The following NALCN variants were observed in gnomAD, a reference collection of about 807,000 sequenced individuals.
The protein encoded by NALCN is sodium leak channel NALCN.
In NALCN, 111 loss-of-function variants were observed where a neutral mutation model predicts 225.3. The ratio of observed to expected loss-of-function variants is 0.49; its 90% CI spans 0.42 to 0.58. The LOEUF (loss-of-function observed/expected upper bound fraction) is 0.58. Among genes scored for constraint, NALCN ranks in the 20% least tolerant of loss-of-function variants. The pLI is 0.00. For missense variants in NALCN, 1,378 were observed against 2,202.4 expected (o/e 0.63, Z 7.49); for synonymous variants, 764 against 769.0 (o/e 0.99, Z 0.11).
In NALCN at chr13:101,152,749, T is replaced by G. The variant is rs2037713673; in HGVS notation, c.1840-7853A>C. ...GATTTTGTAGGTTTATTCTTCTAGG[T>G]CCCAAACATCTCTATTTTATATTAT... On this transcript the variant is annotated intron_variant, in intron 15 of 43. Transcript: ENST00000251127. 3.9e-5 allele frequency among the ~76,000 whole-genome samples: 6 copies of G among 152,182 alleles called. No homozygotes were observed. The South Asian group carries it at 8.3e-4, about 21-fold the overall frequency.
At chr13:101,183,474 G>C (rs1215763253) in intron 14 of NALCN, among the ~76,000 whole-genome samples, 2 of 152,032 alleles carry the variant, frequency 1.3e-5, no homozygotes, top group Admixed American at 1.3e-4. Flanking sequence ...TTGATTGATT[G>C]ATTGAGGCAG....
chr13:101,266,038 T>C (rs1041455436), intron 10 of NALCN, among the ~76,000 whole-genome samples: 1 of 152,238 alleles, frequency 6.6e-6, no homozygotes, highest in Non-Finnish European at 1.5e-5. Flanking sequence ...AGTTTAAATC[T>C]TGTCTCTGTG....
intron 37 of NALCN, among the ~76,000 whole-genome samples, chr13:101,071,846 T>C (rs1416114940): frequency 6.6e-6 from 1 of 152,230 alleles, no homozygotes; most frequent in East Asian, 1.9e-4. Context: ...TAATCATTTC[T>C]AGCTTTTGAT....
intron 15 of NALCN, among the ~76,000 whole-genome samples, chr13:101,148,647 T>C (rs957573868): frequency 5.3e-5 from 8 of 152,178 alleles, no homozygotes; most frequent in East Asian, 3.9e-4. Context: ...ACAGGAACCA[T>C]GCAGGGCTCT....
intron 10 of NALCN, among the ~76,000 whole-genome samples, chr13:101,268,211 T>C (rs549697075): frequency 2.0e-5 from 3 of 152,102 alleles, no homozygotes; most frequent in Non-Finnish European, 4.4e-5. Flanking sequence ...GCAGTGGGAG[T>C]GCAGCTTGCC....
chr13:101,058,135 C>T, intron 42 of NALCN, 79 bp from the exon 43 acceptor site: 1 of 1,242,268 alleles, frequency 8.0e-7, no homozygotes. Context: ...AAGGAAAACA[C>T]ATGGCAGGAG....
intron 12 of NALCN, 105 bp from the exon 13 acceptor site, chr13:101,229,689 AT>A: frequency 2.1e-6 from 2 of 961,030 alleles, no homozygotes; most frequent in Non-Finnish European, 2.8e-6. Context: ...CTTTATGAAA[AT>A]CATACCTCTC....
At chr13:101,182,206 T>A (rs2039266677) in intron 14 of NALCN, among the ~76,000 whole-genome samples, 1 of 150,982 alleles carries the variant, frequency 6.6e-6, no homozygotes, top group African/African-American at 2.4e-5. Context: ...TGGTATATAC[T>A]TTTTCCTTGG....
chr13:101,359,015 T>G (rs1383724785), intron 6 of NALCN, among the ~76,000 whole-genome samples: 3 of 149,192 alleles, frequency 2.0e-5, no homozygotes, highest in African/African-American at 7.6e-5. Flanking sequence ...CAACACATAC[T>G]GGGGTCTGTC....
intron 15 of NALCN, among the ~76,000 whole-genome samples, chr13:101,164,037 G>A (rs1343730166): frequency 6.6e-6 from 1 of 151,934 alleles, no homozygotes; most frequent in Non-Finnish European, 1.5e-5. Flanking sequence ...TTTTTATGAG[G>A]ACAACAGTCA....
rs2033810064 is a variant in NALCN, at chr13:101,084,077, A to G, written c.3490-273T>C. ...AATATTCAGGTTTGGGAAAATGTAA[A>G]GAGGAGTTTCTACATAATTACATTT... is the stretch of plus-strand genomic sequence containing the variant. On this transcript the variant is annotated intron_variant, in intron 30 of 43. Coordinates refer to ENST00000251127, the MANE Select transcript of NALCN (RefSeq NM_052867.4). Among the ~76,000 whole-genome samples the G allele has an allele frequency of 2.0e-5, 3 of 152,202 alleles. No individual in the cohort carries two copies. The South Asian group carries it at 6.2e-4, about 31-fold the overall frequency.
Position 101,345,266 on chromosome 13 carries a change from C to G in NALCN, c.799G>C (p.Gly267Arg). The change falls in exon 7 of 44, where the codon GGA becomes CGA. Residue 267 changes from glycine (G) to arginine (R), a missense_variant and splice_region_variant. Physicochemically the swap from Gly to Arg is moderately radical, Grantham distance 125. Coordinates refer to ENST00000251127, the MANE Select transcript of NALCN (RefSeq NM_052867.4). ...AACGTATTTTACCAGTAAGACAGAC[C>G]TATCTCATTAAAGCCACTGTAGCCC... Reference protein sequence around the residue: ...ELGYSGFNEIGTSIFTVYEAA... With the variant: ...ELGYSGFNEIRTSIFTVYEAA... The G allele has an allele frequency of 6.2e-7, 1 of 1,612,760 alleles. No homozygotes were observed. Among genetic ancestry groups the G allele is most frequent in the Non-Finnish European group, 8.5e-7 (1 of 1,179,220 alleles).
intron 7 of NALCN, among the ~76,000 whole-genome samples, chr13:101,341,494 G>C (rs932771882): frequency 2.0e-4 from 30 of 152,098 alleles, no homozygotes; most frequent in Non-Finnish European, 4.1e-4. Flanking sequence ...ATGTGTCTCA[G>C]TGTTGACTGT....
chr13:101,155,143 TGA>T, intron 15 of NALCN, among the ~76,000 whole-genome samples: 1 of 152,326 alleles, frequency 6.6e-6, no homozygotes, highest in African/African-American at 2.4e-5. Flanking sequence ...AAAACTCACA[TGA>T]GAGTTGCAAA....
chr13:101,385,991 A>G (rs2046976688), intron 3 of NALCN, among the ~76,000 whole-genome samples: 1 of 152,154 alleles, frequency 6.6e-6, no homozygotes, highest in Non-Finnish European at 1.5e-5. Context: ...ACAATTGATG[A>G]TATCAACAAT....
At chr13:101,056,204 C>T (rs1334310583) in intron 43 of NALCN, among the ~76,000 whole-genome samples, 6 of 148,854 alleles carry the variant, frequency 4.0e-5, no homozygotes, top group South Asian at 2.1e-4. Flanking sequence ...TCACGATCAC[C>T]GTTTTTGGTG....
intron 13 of NALCN, among the ~76,000 whole-genome samples, chr13:101,228,108 T>C (rs765297896): frequency 2.0e-5 from 3 of 152,162 alleles, no homozygotes; most frequent in African/African-American, 7.2e-5. Context: ...TGAGGACTTA[T>C]GTCCCCATGA....
At chr13:101,163,782 A>T (rs1330106777) in intron 15 of NALCN, among the ~76,000 whole-genome samples, 1 of 152,070 alleles carries the variant, frequency 6.6e-6, no homozygotes, top group African/African-American at 2.4e-5. Flanking sequence ...CAAAGTTCCA[A>T]AAAACTGGGT....
intron 18 of NALCN, among the ~76,000 whole-genome samples, chr13:101,115,104 C>T (rs1462313980): frequency 6.6e-6 from 1 of 152,090 alleles, no homozygotes; most frequent in Non-Finnish European, 1.5e-5. Flanking sequence ...TCACTCCCTG[C>T]TTTTGAAGCA....
Sources: allele counts gnomAD v4.1 joint callset (sites outside exome capture counted in the v4.1 genomes callset), GRCh38; gene constraint gnomAD v4.1.1; transcripts MANE v1.5; gene names NCBI Gene and HGNC (gene_info 2026-07-23, HGNC 2026-07-21).